DMD: variants seen among roughly 807,000 people sequenced by gnomAD.
The protein encoded by DMD is dystrophin.
DMD carries 63 observed loss-of-function variants against 330.1 expected under a neutral mutation model. The observed-to-expected ratio is 0.19, with a 90% CI of 0.16 to 0.24. DMD has a LOEUF of 0.24. DMD is among the 10% of genes least tolerant of loss of function. The probability of loss-of-function intolerance (pLI) is 1.00; values close to 1 mark genes in which losing one functional copy is unlikely to be tolerated. For synonymous variants in DMD, 1,223 were observed against 959.8 expected, an observed-to-expected ratio of 1.27 and a Z score of -5.07; for missense variants, 3,344 against 2,684.1, an observed-to-expected ratio of 1.25 and a Z score of -5.43.
At chrX:32,596,567 C>T (rs930964927) in intron 12 of DMD, among the ~76,000 whole-genome samples, 4 of 109,402 alleles carry the variant, frequency 3.7e-5, no homozygotes, top group East Asian at 2.9e-4. Flanking sequence ...ATTTTGGAGA[C>T]GGATTCTCAC....
Position 32,573,801 on chromosome X carries a change from G to T in DMD, c.1648C>A (p.Arg550Ser). Reference sequence around the variant, plus strand: ...AGGATGTCTTGTAAAAGAACCCAGCGGTCTTCTGTCCATCTACAGATGTTT... The same window carrying T: ...AGGATGTCTTGTAAAAGAACCCAGCTGTCTTCTGTCCATCTACAGATGTTT... ...WANICRWTED[R>S]WVLLQDILLK... Residue 550 changes from arginine (R) to serine (S), a missense_variant, in exon 14 of 79, where the codon CGC becomes AGC. Coordinates refer to ENST00000357033, the MANE Select transcript of DMD (RefSeq NM_004006.3). The T allele has an allele frequency of 1.7e-6, 2 of 1,211,238 alleles. No homozygotes were observed.
intron 59 of DMD, among the ~76,000 whole-genome samples, chrX:31,464,342 C>T (rs1020454101): frequency 2.5e-4 from 28 of 111,791 alleles, no homozygotes; most frequent in African/African-American, 8.1e-4. Context: ...CAAAATAACA[C>T]AAAGAAGTCC....
intron 43 of DMD, among the ~76,000 whole-genome samples, chrX:32,219,732 G>C (rs1240966557): frequency 9.0e-6 from 1 of 110,869 alleles, no homozygotes; most frequent in Non-Finnish European, 1.9e-5. Context: ...CTATACTTTT[G>C]CCAACACTTT....
chrX:31,622,456 C>T (rs1432731394), intron 55 of DMD, among the ~76,000 whole-genome samples: 1 of 111,493 alleles, frequency 9.0e-6, no homozygotes, highest in Non-Finnish European at 1.9e-5. Flanking sequence ...GATTGATACT[C>T]ATTAAAGTGA....
intron 44 of DMD, among the ~76,000 whole-genome samples, chrX:32,180,231 C>T (rs2685909): frequency 0.23 from 24,915 of 110,273 alleles, 2,203 homozygotes; most frequent in African/African-American, 0.31. Context: ...AAGGTTACAT[C>T]GTAGGGTCAG....
chrX:31,905,990 G>C (rs1434261477), intron 47 of DMD, among the ~76,000 whole-genome samples: 1 of 111,884 alleles, frequency 8.9e-6, no homozygotes, highest in African/African-American at 3.2e-5. Context: ...TGGTTTGGCT[G>C]TGTCTGTACC....
At chrX:33,114,682 T>C (rs1427064117) in intron 1 of DMD, among the ~76,000 whole-genome samples, 1 of 111,854 alleles carries the variant, frequency 8.9e-6, no homozygotes, top group Non-Finnish European at 1.9e-5. Context: ...TGAAAATAAA[T>C]ATAATGTAGA....
intron 47 of DMD, among the ~76,000 whole-genome samples, chrX:31,887,193 T>C (rs1382398046): frequency 8.9e-6 from 1 of 112,322 alleles, no homozygotes; most frequent in Non-Finnish European, 1.9e-5. Context: ...AGGTTTGCTT[T>C]TTGTTTACAC....
intron 62 of DMD, among the ~76,000 whole-genome samples, chrX:31,295,066 G>A (rs982821309): frequency 1.1e-4 from 12 of 110,907 alleles, no homozygotes; most frequent in Non-Finnish European, 2.3e-4. Flanking sequence ...GCGCGATCTC[G>A]GCTCACTGCA....
intron 44 of DMD, among the ~76,000 whole-genome samples, chrX:32,173,066 GGT>G (rs3040089): frequency 0.075 from 6,676 of 89,320 alleles, 201 homozygotes; most frequent in Non-Finnish European, 0.1. Flanking sequence ...ACCTGATTTT[GGT>G]GTGTGTGTGT....
chrX:32,219,070 C>T (rs1462599893), intron 43 of DMD, among the ~76,000 whole-genome samples: 1 of 111,661 alleles, frequency 9.0e-6, no homozygotes, highest in Non-Finnish European at 1.9e-5. Context: ...ATTTTGGTAG[C>T]ATAAAAAAGG....
In DMD at chrX:32,119,419, T is replaced by C. The variant is rs73456133; in HGVS notation, c.6438+97497A>G. Among the ~76,000 whole-genome samples, 617 of 110,182 alleles carry C rather than the reference T, an allele frequency of 5.6e-3. 2 individuals carry two copies. Among genetic ancestry groups the C allele is most frequent in the African/African-American group, 0.019 (589 of 30,248 alleles). Reference sequence around the variant, plus strand: ...TAACCCTATTTGCAAGGTGACAGTATGTATATTGAACTGTATCAGGTCCGC... The same window carrying C: ...TAACCCTATTTGCAAGGTGACAGTACGTATATTGAACTGTATCAGGTCCGC... On this transcript the variant is annotated intron_variant, in intron 44 of 78. Coordinates refer to ENST00000357033, the MANE Select transcript of DMD (RefSeq NM_004006.3).
At position 31,769,151 on chromosome X, in the gene DMD, T is replaced by C. The variant is rs1447389270; in HGVS notation, c.7542+4809A>G. Among the ~76,000 whole-genome samples the C allele has an allele frequency of 2.7e-5, 3 of 112,281 alleles. No homozygotes were observed. In the East Asian group the frequency reaches 8.3e-4, roughly 31 times the overall value. ...CTAGTGAAAGGTTAGCTTACTTGAA[T>C]GTCATGTCCTTATACCCCTTCTGTG... On this transcript the variant is annotated intron_variant, in intron 51 of 78. Coordinates refer to ENST00000357033, the MANE Select transcript of DMD (RefSeq NM_004006.3).
chrX:31,692,104 C>T (rs147852768), intron 52 of DMD, among the ~76,000 whole-genome samples: 11 of 111,700 alleles, frequency 9.8e-5, no homozygotes, highest in African/African-American at 2.9e-4. Context: ...AAATCAATTA[C>T]ATGAGAAATC....
At chrX:33,044,247 C>T (rs1265913343) in intron 1 of DMD, among the ~76,000 whole-genome samples, 2 of 111,577 alleles carry the variant, frequency 1.8e-5, no homozygotes, top group South Asian at 3.8e-4. Context: ...GCCTGGCCAA[C>T]GTGGTGAAAC....
At chrX:31,571,172 T>A (rs1455027842) in intron 55 of DMD, among the ~76,000 whole-genome samples, 1 of 110,647 alleles carries the variant, frequency 9.0e-6, no homozygotes, top group Non-Finnish European at 1.9e-5. Flanking sequence ...GAATGTCCCA[T>A]CAGATTCCAG....
intron 48 of DMD, among the ~76,000 whole-genome samples, chrX:31,858,814 G>A (rs1251820196): frequency 1.8e-5 from 2 of 110,669 alleles, no homozygotes; most frequent in Non-Finnish European, 3.8e-5. Context: ...TTTCCTCACA[G>A]CACCTGATAG....
intron 44 of DMD, among the ~76,000 whole-genome samples, chrX:31,969,874 T>C (rs17308975): frequency 0.031 from 3,490 of 111,547 alleles, 50 homozygotes; most frequent in Non-Finnish European, 0.049. Flanking sequence ...TGAATGCCCA[T>C]GAGATGTGCT....
intron 49 of DMD, among the ~76,000 whole-genome samples, chrX:31,823,867 C>A (rs980822462): frequency 9.0e-6 from 1 of 111,689 alleles, no homozygotes; most frequent in Non-Finnish European, 1.9e-5. Flanking sequence ...AGCCACCACA[C>A]CCAGCCTTAT....
Sources: allele counts gnomAD v4.1 joint callset (sites outside exome capture counted in the v4.1 genomes callset), GRCh38; gene constraint gnomAD v4.1.1; transcripts MANE v1.5; gene names NCBI Gene and HGNC (gene_info 2026-07-23, HGNC 2026-07-21).